Variants in DPP10 observed in about 807,000 individuals in gnomAD.
The protein encoded by DPP10 is inactive dipeptidyl peptidase 10.
DPP10 carries 33 observed loss-of-function variants against 120.9 expected under a neutral mutation model. The ratio of observed to expected loss-of-function variants is 0.27; its 90% CI spans 0.21 to 0.37. The LOEUF (loss-of-function observed/expected upper bound fraction) is 0.37, where lower values mean the gene tolerates loss of function less well. DPP10 is among the 10% of genes least tolerant of loss of function. DPP10 has a pLI of 1.00. For synonymous variants in DPP10, 337 were observed against 326.1 expected (o/e 1.03, Z -0.36); for missense variants, 816 against 942.8 (o/e 0.87, Z 1.76).
At chr2:115,525,807 T>C (rs1438493154) in intron 4 of DPP10, 91 bp from the exon 5 acceptor site, 1 of 857,182 alleles carries the variant, frequency 1.2e-6, no homozygotes, top group Admixed American at 2.7e-5. Flanking sequence ...CATTTTATAG[T>C]GCTATGAAAA....
chr2:115,665,163 A>T (rs1367275073), intron 5 of DPP10, among the ~76,000 whole-genome samples: 1 of 152,188 alleles, frequency 6.6e-6, no homozygotes, highest in East Asian at 1.9e-4. Flanking sequence ...TTTCCATTTA[A>T]TAGTTGCCAC....
At chr2:114,754,696 T>C (rs1679568564) in intron 1 of DPP10, among the ~76,000 whole-genome samples, 2 of 152,304 alleles carry the variant, frequency 1.3e-5, no homozygotes, top group African/African-American at 4.8e-5. Context: ...GTCAGGAAAG[T>C]CTGTGGCCAA....
intron 7 of DPP10, among the ~76,000 whole-genome samples, chr2:115,698,065 G>A (rs557023744): frequency 1.8e-4 from 27 of 152,188 alleles, no homozygotes; most frequent in African/African-American, 5.5e-4. Context: ...TAACAACAGC[G>A]TACACGTTCT....
chr2:114,784,854 C>A (rs1010608180), intron 1 of DPP10, among the ~76,000 whole-genome samples: 3 of 152,176 alleles, frequency 2.0e-5, no homozygotes, highest in African/African-American at 4.8e-5. Flanking sequence ...TAATGGCATG[C>A]CAAATTAGAC....
At chr2:114,555,142 G>C (rs2104899720) in intron 1 of DPP10, among the ~76,000 whole-genome samples, 1 of 152,328 alleles carries the variant, frequency 6.6e-6, no homozygotes, top group South Asian at 2.1e-4. Flanking sequence ...GCACAGTATA[G>C]AGTATAGACA....
At chr2:114,663,668 T>TATATATATATATAGAGAGAGAGAG in intron 1 of DPP10, among the ~76,000 whole-genome samples, 15 of 80,698 alleles carry the variant, frequency 1.9e-4, no homozygotes, top group African/African-American at 1.4e-3. Context: ...TATATATATA[T>TATATATATATATAGAGAGAGAGAG]AGAGAGAGAG....
At chr2:115,140,034 G>T (rs969292009) in intron 1 of DPP10, among the ~76,000 whole-genome samples, 1 of 152,132 alleles carries the variant, frequency 6.6e-6, no homozygotes, top group African/African-American at 2.4e-5. Flanking sequence ...GAAAAAAATA[G>T]ACCAAAGTTT....
At chr2:115,405,778 T>C (rs1049159526) in intron 3 of DPP10, among the ~76,000 whole-genome samples, 1 of 152,220 alleles carries the variant, frequency 6.6e-6, no homozygotes, top group African/African-American at 2.4e-5. Context: ...CCTTGAACCA[T>C]GGCTGGAACA....
At chr2:114,980,782 C>A (rs951993136) in intron 1 of DPP10, among the ~76,000 whole-genome samples, 1 of 152,086 alleles carries the variant, frequency 6.6e-6, no homozygotes, top group East Asian at 1.9e-4. Context: ...TGAGCCACTG[C>A]ACCCCACCTC....
intron 1 of DPP10, among the ~76,000 whole-genome samples, chr2:115,308,320 A>G (rs2061439646): frequency 6.6e-6 from 1 of 152,058 alleles, no homozygotes; most frequent in Non-Finnish European, 1.5e-5. Context: ...TTTATCACCA[A>G]ATCTGTTAGC....
intron 3 of DPP10, among the ~76,000 whole-genome samples, chr2:115,379,178 G>A (rs2066074927): frequency 6.6e-6 from 1 of 152,148 alleles, no homozygotes; most frequent in African/African-American, 2.4e-5. Flanking sequence ...AATCCATCTG[G>A]TCCTGGACTT....
intron 2 of DPP10, among the ~76,000 whole-genome samples, chr2:115,335,032 T>C (rs2063038372): frequency 1.3e-5 from 2 of 151,888 alleles, no homozygotes; most frequent in Non-Finnish European, 2.9e-5. Context: ...CAGTTCTGTA[T>C]GGCTGGGGAG....
intron 7 of DPP10, among the ~76,000 whole-genome samples, chr2:115,718,243 T>A (rs2092554558): frequency 6.6e-6 from 1 of 151,524 alleles, no homozygotes; most frequent in Non-Finnish European, 1.5e-5. Flanking sequence ...ATCCATGAAC[T>A]GATTTTGGTT....
chr2:114,566,729 G>C (rs1309304030), intron 1 of DPP10, among the ~76,000 whole-genome samples: 2 of 152,178 alleles, frequency 1.3e-5, no homozygotes, highest in Admixed American at 6.5e-5. Flanking sequence ...ACACACAGCA[G>C]GAAGAACACC....
chr2:114,797,366 T>G (rs994966256), intron 1 of DPP10, among the ~76,000 whole-genome samples: 1 of 152,184 alleles, frequency 6.6e-6, no homozygotes, highest in Non-Finnish European at 1.5e-5. Flanking sequence ...TTTCTAGGTC[T>G]AAACATGAGT....
intron 1 of DPP10, among the ~76,000 whole-genome samples, chr2:115,019,660 A>G (rs1702926285): frequency 6.6e-6 from 1 of 152,240 alleles, no homozygotes; most frequent in Non-Finnish European, 1.5e-5. Context: ...CAAGAAGCTC[A>G]AAGAACACCT....
In DPP10 at chr2:115,785,043, A is replaced by G. The variant is rs912982236; in HGVS notation, c.1531+2644A>G. 3.9e-5 allele frequency among the ~76,000 whole-genome samples: 6 copies of G among 152,182 alleles called. No homozygotes were observed. The South Asian group carries it at 1.2e-3, about 31-fold the overall frequency. On this transcript the variant is annotated intron_variant, in intron 17 of 25. Coordinates refer to ENST00000410059, the MANE Select transcript of DPP10 (RefSeq NM_020868.6). Reference sequence around the variant, plus strand: ...TTTCCAGAACCACTTTTAACTCTCAATTCTTCTCTTCGATGTTCTCTGGCC... The same window carrying G: ...TTTCCAGAACCACTTTTAACTCTCAGTTCTTCTCTTCGATGTTCTCTGGCC...
At chr2:115,745,598 G>A (rs1009105342) in intron 9 of DPP10, among the ~76,000 whole-genome samples, 5 of 150,576 alleles carry the variant, frequency 3.3e-5, no homozygotes, top group Admixed American at 7.0e-5. Flanking sequence ...CATACATTAC[G>A]GTTTTGGAAT....
intron 3 of DPP10, among the ~76,000 whole-genome samples, chr2:115,359,456 T>C (rs1218009546): frequency 1.4e-4 from 21 of 152,202 alleles, no homozygotes; most frequent in Non-Finnish European, 5.9e-5. Flanking sequence ...CTACAATCTC[T>C]TTTTGTTTGT....
Sources: gnomAD v4.1 joint callset for allele counts (sites outside exome capture counted in the v4.1 genomes callset) on GRCh38, gnomAD v4.1.1 for gene constraint, MANE v1.5 for transcripts, NCBI Gene and HGNC (gene_info 2026-07-23, HGNC 2026-07-21) for gene names.